The following STK33 variants were observed in gnomAD, a reference collection of about 807,000 sequenced individuals.
STK33 encodes serine/threonine-protein kinase 33.
In STK33, 52 loss-of-function variants were observed where a neutral mutation model predicts 58.0. The ratio of observed to expected loss-of-function variants is 0.90; its 90% CI spans 0.72 to 1.13. The LOEUF is 1.13. Ranked by LOEUF, STK33 falls within the 50% of genes most tolerant of loss-of-function variation. STK33 has a pLI of 0.00. For synonymous variants in STK33, 215 were observed against 200.1 expected (o/e 1.07, Z -0.63); for missense variants, 630 against 604.2 (o/e 1.04, Z -0.45).
chr11:8,491,555 C>A (rs1950612542), intron 1 of STK33, among the ~76,000 whole-genome samples: 1 of 152,160 alleles, frequency 6.6e-6, no homozygotes, highest in Admixed American at 6.5e-5. Flanking sequence ...CCCAACCTAG[C>A]AAGGCAGGCC....
chr11:8,354,474 T>TCTCACACACACACACACA, the STK33 span, among the ~76,000 whole-genome samples: 1 of 124,680 alleles, frequency 8.0e-6, no homozygotes, highest in Non-Finnish European at 1.6e-5. Flanking sequence ...CTGCAAAACC[T>TCTCACACACACACACACA]CACACACACA....
intron 1 of STK33, among the ~76,000 whole-genome samples, chr11:8,511,992 G>C (rs552491165): frequency 6.6e-6 from 1 of 152,196 alleles, no homozygotes; most frequent in South Asian, 2.1e-4. Flanking sequence ...ATCAAAGAAA[G>C]CTACTTATAA....
chr11:8,476,609 C>T (rs1162140274), intron 4 of STK33, 78 bp downstream of exon 4: 2 of 152,266 alleles, frequency 1.3e-5, no homozygotes, highest in Non-Finnish European at 2.9e-5. Context: ...CCATGCTTCA[C>T]TGTGGCTTCT....
intron 1 of STK33, among the ~76,000 whole-genome samples, chr11:8,535,250 C>G (rs1456362366): frequency 6.6e-6 from 1 of 152,114 alleles, no homozygotes; most frequent in African/African-American, 2.4e-5. Context: ...ATGCACTTTA[C>G]AGGTTTAAGT....
the STK33 span, among the ~76,000 whole-genome samples, chr11:8,376,117 G>A: frequency 1.3e-5 from 2 of 152,174 alleles, no homozygotes; most frequent in Non-Finnish European, 2.9e-5. Flanking sequence ...GGGAATGAGC[G>A]GGGTCAGAGC....
chr11:8,368,042 A>G, the STK33 span, among the ~76,000 whole-genome samples: 3 of 152,096 alleles, frequency 2.0e-5, no homozygotes, highest in African/African-American at 7.2e-5. Context: ...ACTGAGGGAT[A>G]TAACTGAGGG....
chr11:8,485,858 A>G (rs149062121), intron 1 of STK33, among the ~76,000 whole-genome samples: 1 of 152,348 alleles, frequency 6.6e-6, no homozygotes, highest in African/African-American at 2.4e-5. Flanking sequence ...AAAACATATA[A>G]TAGCTTTATG....
Position 8,454,770 on chromosome 11 carries a change from T to C in STK33, c.760A>G (p.Asn254Asp). Residue 254 changes from asparagine (N) to aspartate (D), a missense_variant, in exon 10 of 16, where the codon AAC becomes GAC. Coordinates refer to ENST00000687296, the MANE Select transcript of STK33 (RefSeq NM_001352389.2). ...IMVKSSLIDDNNEINLNIKVT... is the reference protein window; with the variant it reads ...IMVKSSLIDDDNEINLNIKVT... ...TTTATGTTTAAGTTTATTTCATTGT[T>C]ATCATCAATAAGACTGCTTTTAACC... 1 of 1,579,326 alleles carries C rather than the reference T, an allele frequency of 6.3e-7. No homozygotes were observed. Among genetic ancestry groups the C allele is most frequent in the Non-Finnish European group, 8.6e-7 (1 of 1,159,820 alleles).
At chr11:8,455,679 C>T (rs368824903) in intron 9 of STK33, among the ~76,000 whole-genome samples, 4 of 151,566 alleles carry the variant, frequency 2.6e-5, no homozygotes, top group African/African-American at 4.9e-5. Flanking sequence ...GGCATGGTGG[C>T]GGGTGCCTAT....
Position 8,460,684 on chromosome 11 carries a change from G to A in STK33, c.558+1121C>T, listed in dbSNP as rs569972504. ...ATAAACTCACAAGTCCATGAACCCCGAACACAAAAAAAAACATGAAGAAAA... is the reference window on the plus strand; with the variant it reads ...ATAAACTCACAAGTCCATGAACCCCAAACACAAAAAAAAACATGAAGAAAA... On this transcript the variant is annotated intron_variant, in intron 8 of 15. Coordinates refer to ENST00000687296, the MANE Select transcript of STK33 (RefSeq NM_001352389.2). Among the ~76,000 whole-genome samples, 32 of 150,878 alleles carry A rather than the reference G, an allele frequency of 2.1e-4. No homozygotes were observed. In the South Asian group the frequency reaches 2.9e-3, roughly 14 times the overall value.
At position 8,497,469 on chromosome 11, in the gene STK33, C is replaced by CTTTCTT. The variant is rs137919884; in HGVS notation, c.-465-16861_-465-16856dup. Among the ~76,000 whole-genome samples, 239 of 152,194 alleles carry CTTTCTT rather than the reference C, an allele frequency of 1.6e-3. 4 individuals carry two copies. In the East Asian group the frequency reaches 0.034, roughly 22 times the overall value. On this transcript the variant is annotated intron_variant, in intron 1 of 15. Coordinates refer to ENST00000687296, the MANE Select transcript of STK33 (RefSeq NM_001352389.2). ...GAAATTCGATGACATGTTCAAAGTT[C>CTTTCTT]TTTCTTTTTCTTTTTCTTGAGACAG...
At chr11:8,403,443 G>A (rs1030622620) in intron 15 of STK33, among the ~76,000 whole-genome samples, 39 of 152,164 alleles carry the variant, frequency 2.6e-4, no homozygotes, top group African/African-American at 9.4e-4. Flanking sequence ...AAGAATAAGA[G>A]GCTATATATA....
chr11:8,548,158 T>A (rs149465963), intron 1 of STK33, among the ~76,000 whole-genome samples: 1,851 of 149,576 alleles, frequency 0.012, 38 homozygotes, highest in African/African-American at 0.043. Context: ...ACTTAAAGTA[T>A]AATAAAAAAA....
chr11:8,370,806 C>T, the STK33 span, among the ~76,000 whole-genome samples: 7 of 152,170 alleles, frequency 4.6e-5, no homozygotes, highest in African/African-American at 1.4e-4. Flanking sequence ...AGGAGGACTG[C>T]GCCCAGCACG....
intron 1 of STK33, among the ~76,000 whole-genome samples, chr11:8,490,183 C>A (rs1185131716): frequency 2.6e-5 from 4 of 152,178 alleles, no homozygotes; most frequent in Non-Finnish European, 5.9e-5. Context: ...CTGTGACAGA[C>A]CATACCTGGA....
intron 1 of STK33, among the ~76,000 whole-genome samples, chr11:8,518,065 G>C (rs1400096671): frequency 6.6e-6 from 1 of 152,082 alleles, no homozygotes; most frequent in African/African-American, 2.4e-5. Flanking sequence ...TGAAATGAAG[G>C]AAAAAATGTT....
At chr11:8,536,362 C>T (rs2140239116) in intron 1 of STK33, among the ~76,000 whole-genome samples, 1 of 152,138 alleles carries the variant, frequency 6.6e-6, no homozygotes, top group Non-Finnish European at 1.5e-5. Context: ...TGAAAGAGCC[C>T]AGAGACTTCA....
chr11:8,476,090 A>G (rs1164131563), intron 4 of STK33, among the ~76,000 whole-genome samples: 1 of 152,190 alleles, frequency 6.6e-6, no homozygotes, highest in Non-Finnish European at 1.5e-5. Context: ...AGATATTGCT[A>G]GTAGTTTACC....
chr11:8,403,354 A>G (rs956026735), intron 15 of STK33, among the ~76,000 whole-genome samples: 7 of 152,216 alleles, frequency 4.6e-5, no homozygotes, highest in African/African-American at 1.7e-4. Context: ...AAGGGACCAG[A>G]GAATGTTTAC....
Sources: gnomAD v4.1 joint callset for allele counts (sites outside exome capture counted in the v4.1 genomes callset) on GRCh38, gnomAD v4.1.1 for gene constraint, MANE v1.5 for transcripts, NCBI Gene and HGNC (gene_info 2026-07-23, HGNC 2026-07-21) for gene names.